Variants in MACROD2 observed in about 807,000 individuals in gnomAD.
The protein encoded by MACROD2 is ADP-ribose glycohydrolase MACROD2.
In MACROD2, 36 loss-of-function variants were observed where a neutral mutation model predicts 70.4. That is an observed-to-expected ratio of 0.51 (90% CI 0.39 to 0.68). MACROD2 has a LOEUF of 0.68. MACROD2 is among the 30% of genes least tolerant of loss of function. MACROD2 has a pLI of 0.00. For missense variants in MACROD2, 496 were observed against 538.4 expected (o/e 0.92, Z 0.78); for synonymous variants, 172 against 178.8 (o/e 0.96, Z 0.30).
intron 3 of MACROD2, among the ~76,000 whole-genome samples, chr20:14,154,534 C>T (rs1279933310): frequency 6.7e-6 from 1 of 149,340 alleles, no homozygotes; most frequent in Non-Finnish European, 1.5e-5. Flanking sequence ...GACAGGCTCC[C>T]GCCACTACGC....
At chr20:14,973,072 G>A (rs1171545356) in intron 5 of MACROD2, among the ~76,000 whole-genome samples, 2 of 152,038 alleles carry the variant, frequency 1.3e-5, no homozygotes, top group Non-Finnish European at 2.9e-5. Context: ...TCATTATACA[G>A]TTGAAGAAAT....
At chr20:14,985,939 GA>G (rs2074844815) in intron 5 of MACROD2, among the ~76,000 whole-genome samples, 1 of 151,856 alleles carries the variant, frequency 6.6e-6, no homozygotes, top group Admixed American at 6.6e-5. Flanking sequence ...TTGCCCTGCA[GA>G]AATACCAATT....
At chr20:14,329,021 C>A (rs183340543) in intron 3 of MACROD2, 1 of 152,040 alleles carries the variant, frequency 6.6e-6, no homozygotes, top group African/African-American at 2.4e-5. Context: ...ATTCATGATG[C>A]TAAGGCCTGT....
At chr20:15,523,972 A>G (rs1233780) in intron 8 of MACROD2, among the ~76,000 whole-genome samples, 74,982 of 151,818 alleles carry the variant, frequency 0.49, 21,024 homozygotes, top group African/African-American at 0.77. Flanking sequence ...TAGGAACTGC[A>G]GCACAGCTAA....
At chr20:15,492,450 T>C (rs1206978427) in intron 7 of MACROD2, among the ~76,000 whole-genome samples, 2 of 152,232 alleles carry the variant, frequency 1.3e-5, no homozygotes, top group Non-Finnish European at 2.9e-5. Context: ...CATCTCACAT[T>C]TGTATTTCTT....
chr20:15,116,804 C>G (rs73096093), intron 5 of MACROD2, among the ~76,000 whole-genome samples: 1 of 152,012 alleles, frequency 6.6e-6, no homozygotes, highest in Non-Finnish European at 1.5e-5. Context: ...TTCTGGTCAA[C>G]AGCAGGCTAT....
chr20:14,520,672 A>T (rs2085157513), intron 4 of MACROD2, among the ~76,000 whole-genome samples: 1 of 152,110 alleles, frequency 6.6e-6, no homozygotes, highest in Non-Finnish European at 1.5e-5. Flanking sequence ...AAATATTAAT[A>T]CCACCTACTT....
At chr20:15,088,450 T>TATATATAA (rs2075769323) in intron 5 of MACROD2, among the ~76,000 whole-genome samples, 3 of 81,684 alleles carry the variant, frequency 3.7e-5, no homozygotes, top group African/African-American at 9.8e-5. Context: ...TATATATATA[T>TATATATAA]AATATTTTGT....
intron 12 of MACROD2, among the ~76,000 whole-genome samples, chr20:15,946,043 C>T (rs1399524257): frequency 6.6e-6 from 1 of 152,128 alleles, no homozygotes; most frequent in Non-Finnish European, 1.5e-5. Context: ...TTGACCCTAA[C>T]CTAGGAACTA....
chr20:14,842,249 A>C (rs2073095405), intron 5 of MACROD2, among the ~76,000 whole-genome samples: 1 of 152,062 alleles, frequency 6.6e-6, no homozygotes, highest in South Asian at 2.1e-4. Context: ...GCCTTCATCC[A>C]TTCAGGAGGG....
At chr20:15,205,315 A>G (rs1259901263) in intron 5 of MACROD2, among the ~76,000 whole-genome samples, 1 of 152,216 alleles carries the variant, frequency 6.6e-6, no homozygotes, top group African/African-American at 2.4e-5. Context: ...GAACTTTGGA[A>G]GAAGGATGAT....
chr20:14,921,122 T>A (rs1233780801), intron 5 of MACROD2, among the ~76,000 whole-genome samples: 1 of 152,184 alleles, frequency 6.6e-6, no homozygotes, highest in African/African-American at 2.4e-5. Context: ...AACTCTGTGC[T>A]GTGATGTGTA....
At chr20:14,237,373 T>C (rs2081885897) in intron 3 of MACROD2, among the ~76,000 whole-genome samples, 1 of 151,976 alleles carries the variant, frequency 6.6e-6, no homozygotes, top group African/African-American at 2.4e-5. Context: ...CTTTTTTTCC[T>C]CACTTAGTGG....
intron 10 of MACROD2, among the ~76,000 whole-genome samples, chr20:15,888,284 T>G (rs1487165730): frequency 6.6e-6 from 1 of 152,164 alleles, no homozygotes; most frequent in East Asian, 1.9e-4. Flanking sequence ...AAGAACCATA[T>G]GTTTAAAAAA....
intron 8 of MACROD2, among the ~76,000 whole-genome samples, chr20:15,670,338 C>A (rs62194065): frequency 0.04 from 6,052 of 152,228 alleles, 250 homozygotes; most frequent in East Asian, 0.2. Flanking sequence ...CAAACAGAGG[C>A]AGAAACAGAG....
At chr20:15,384,438 A>G (rs1265323620) in intron 6 of MACROD2, among the ~76,000 whole-genome samples, 4 of 152,068 alleles carry the variant, frequency 2.6e-5, no homozygotes, top group Admixed American at 2.6e-4. Context: ...TTAGTTTTGT[A>G]TTTTTAGTAG....
intron 4 of MACROD2, among the ~76,000 whole-genome samples, chr20:14,653,379 C>T (rs1429846356): frequency 2.0e-5 from 3 of 151,990 alleles, no homozygotes; most frequent in Non-Finnish European, 4.4e-5. Context: ...CCACCAAGCC[C>T]GGCTAATTTT....
intron 8 of MACROD2, among the ~76,000 whole-genome samples, chr20:15,563,212 A>G (rs1263907023): frequency 2.0e-5 from 3 of 152,192 alleles, no homozygotes; most frequent in Admixed American, 1.3e-4. Context: ...CTTGATATCA[A>G]TGTCTATCAG....
intron 5 of MACROD2, among the ~76,000 whole-genome samples, chr20:15,109,706 C>A (rs2075939925): frequency 6.6e-6 from 1 of 152,138 alleles, no homozygotes; most frequent in Non-Finnish European, 1.5e-5. Context: ...TGCATATATG[C>A]ATAAATACGT....
Sources: gnomAD v4.1 joint callset for allele counts (sites outside exome capture counted in the v4.1 genomes callset) on GRCh38, gnomAD v4.1.1 for gene constraint, MANE v1.5 for transcripts, NCBI Gene and HGNC (gene_info 2026-07-23, HGNC 2026-07-21) for gene names.